CRNKL1: variants seen among roughly 807,000 people sequenced by gnomAD.
CRNKL1 encodes crooked neck-like protein 1.
CRNKL1 carries 35 observed loss-of-function variants against 103.7 expected under a neutral mutation model. The ratio of observed to expected loss-of-function variants is 0.34; its 90% CI spans 0.26 to 0.45. CRNKL1 has a LOEUF of 0.45. Ranked by LOEUF, CRNKL1 falls within the 20% of genes least tolerant of loss-of-function variation. CRNKL1 has a pLI of 1.00. For synonymous variants in CRNKL1, 267 were observed against 282.6 expected (o/e 0.94, Z 0.55); for missense variants, 645 against 836.0 (o/e 0.77, Z 2.82).
upstream of CRNKL1, among the ~76,000 whole-genome samples, chr20:20,054,769 T>C (rs905943659): frequency 5.8e-4 from 88 of 152,396 alleles, no homozygotes; most frequent in African/African-American, 2.1e-3. Context: ...TTATTTTTTA[T>C]AGACAGTCTG....
chr20:20,046,575 C>T (rs1341063040), intron 5 of CRNKL1, among the ~76,000 whole-genome samples: 1 of 152,224 alleles, frequency 6.6e-6, no homozygotes, highest in Non-Finnish European at 1.5e-5. Flanking sequence ...TACAATCTCA[C>T]ATTCATCATC....
In CRNKL1 at chr20:20,052,329, G is replaced by A. The variant is rs2043782643; in HGVS notation, c.14C>T (p.Thr5Ile). The A allele has an allele frequency of 6.2e-7, 1 of 1,612,800 alleles. No individual in the cohort carries two copies. Among genetic ancestry groups the A allele is most frequent in the Admixed American group, 1.7e-5 (1 of 59,992 alleles). Residue 5 changes from threonine (T) to isoleucine (I), a missense_variant, in exon 1 of 14, where the codon ACC becomes ATC. Coordinates refer to ENST00000536226, the MANE Select transcript of CRNKL1 (RefSeq NM_001278628.2). The part of the protein sequence containing the change: MAAS[T>I]AAGKQRIPKV... ...GGGAATCCGCTGCTTCCCGGCCGCG[G>A]TGGAGGCCGCCATGTCTGCAGCAGT...
Position 20,038,392 on chromosome 20 carries a change from C to G in CRNKL1, c.1604G>C (p.Arg535Pro). 1 of 1,552,648 alleles carries G rather than the reference C, an allele frequency of 6.4e-7. No individual in the cohort carries two copies. The highest frequency in any genetic ancestry group is 8.7e-7 in the Non-Finnish European group (1 of 1,147,248). The change falls in exon 12 of 14, where the codon CGA (arginine) becomes CCA (proline). Residue 535 changes from arginine (R) to proline (P), a missense_variant. Transcript: ENST00000536226. ...EIEQEETERT[R>P]NLYRRLLQRT... The stretch of plus-strand genomic sequence containing the variant: ...TTGAAGCAACCGCCGGTAAAGGTTT[C>G]GTGTTCTTTCTGTTTCTTCCTGCTC...
In CRNKL1 at chr20:20,047,843, C is replaced by T; in HGVS notation, c.544G>A (p.Glu182Lys). 1 of 1,614,258 alleles carries T rather than the reference C, an allele frequency of 6.2e-7. No homozygotes were observed. Among genetic ancestry groups the T allele is most frequent in the Non-Finnish European group, 8.5e-7 (1 of 1,180,042 alleles). ...TTGATGTAGGAGTGCCAGGCTTGCT[C>T]CTCAGGCTGCCACTCCATCCAGCGC... is the stretch of plus-strand genomic sequence containing the variant. ...FERWMEWQPEEQAWHSYINFE... is the reference protein window; with the variant it reads ...FERWMEWQPEKQAWHSYINFE... Residue 182 changes from glutamate (E) to lysine (K), a missense_variant, in exon 5 of 14, where the codon GAG becomes AAG. By Grantham distance (56) the Glu-to-Lys change is moderately conservative. Transcript: ENST00000536226.
chr20:20,035,134 A>G lies in CRNKL1; in HGVS notation c.*1061T>C, dbSNP rs918568623. The G allele has an allele frequency of 1.3e-5, 2 of 152,250 alleles. No individual in the cohort carries two copies. Among genetic ancestry groups the G allele is most frequent in the Non-Finnish European group, 2.9e-5 (2 of 68,048 alleles). 9.4% of individuals were successfully genotyped at this position (152,250 alleles called of 1,614,324 possible). A position where few individuals can be genotyped will look rare whatever the true frequency, so the allele number is the denominator to read the frequency against. On this transcript the variant is annotated 3_prime_UTR_variant, in exon 14 of 14. Transcript: ENST00000536226. Reference sequence around the variant, plus strand: ...CCTTAGGTGTTTCTACACATGCTCTAAACCAAGAGTAAGTTTAACATGTCA... The same window carrying G: ...CCTTAGGTGTTTCTACACATGCTCTGAACCAAGAGTAAGTTTAACATGTCA...
chr20:20,039,602 T>A lies in CRNKL1; in HGVS notation c.1545+7A>T. On this transcript the variant is annotated splice_region_variant and intron_variant, in intron 11 of 13. Coordinates refer to ENST00000536226, the MANE Select transcript of CRNKL1 (RefSeq NM_001278628.2). ...AAACAAAATTATATTTGACTTGAGA[T>A]GCTCACCTCTGGCATGTCTAAACGT... 6.2e-7 allele frequency: 1 copy of A among 1,613,168 alleles called. No individual in the cohort carries two copies. The highest frequency in any genetic ancestry group is 8.5e-7 in the Non-Finnish European group (1 of 1,179,368).
At chr20:20,047,274 A>G (rs1002571926) in intron 5 of CRNKL1, among the ~76,000 whole-genome samples, 4 of 152,248 alleles carry the variant, frequency 2.6e-5, no homozygotes, top group Non-Finnish European at 4.4e-5. Context: ...GTGCTTCTGT[A>G]TTGAACATGT....
intron 12 of CRNKL1, 94 bp downstream of exon 12, chr20:20,038,250 AAAAAC>A: frequency 1.4e-6 from 1 of 735,688 alleles, no homozygotes; most frequent in Non-Finnish European, 2.2e-6. Flanking sequence ...AAAAAAAAAA[AAAAAC>A]AAAAACCCAA....
chr20:20,045,521 G>T lies in CRNKL1; in HGVS notation c.623-35C>A, dbSNP rs748569288. ...AATTAAGGAAATCCCAGGCAAAACA[G>T]CATGGCTTAAAAAAATAGTAAGTAA... is the stretch of plus-strand genomic sequence containing the variant. On this transcript the variant is annotated intron_variant, in intron 5 of 13. Transcript: ENST00000536226. 15 of 1,548,556 alleles carry T rather than the reference G, an allele frequency of 9.7e-6. No homozygotes were observed. In the South Asian group the frequency reaches 1.6e-4, roughly 16 times the overall value.
chr20:20,039,937 G>A, intron 10 of CRNKL1, 89 bp from the exon 11 acceptor site: 1 of 1,371,446 alleles, frequency 7.3e-7, no homozygotes, highest in Non-Finnish European at 1.0e-6. Flanking sequence ...GTTCTCTGCT[G>A]AGGAAGAATC....
intron 2 of CRNKL1, 83 bp downstream of exon 2, chr20:20,050,387 A>G (rs2043669225): frequency 6.3e-6 from 8 of 1,275,236 alleles, no homozygotes; most frequent in Non-Finnish European, 8.7e-6. Context: ...CTTGCCCTAC[A>G]GAATCCAACC....
chr20:20,036,481 TC>T, intron 13 of CRNKL1, 119 bp from the exon 14 acceptor site: 1 of 916,698 alleles, frequency 1.1e-6, no homozygotes, highest in Admixed American at 2.4e-5. Context: ...AACATCAAAG[TC>T]TACTACAGAA....
At chr20:20,045,227 A>C in intron 6 of CRNKL1, 81 bp downstream of exon 6, 3 of 1,219,246 alleles carry the variant, frequency 2.5e-6, no homozygotes, top group Non-Finnish European at 3.4e-6. Flanking sequence ...TCAGTAAGAA[A>C]AAATGGAAAT....
At position 20,049,338 on chromosome 20, in the gene CRNKL1, A is replaced by G. The variant is rs2043647000; in HGVS notation, c.296+2T>C. On this transcript the variant is annotated splice_donor_variant, in intron 3 of 13. Coordinates refer to ENST00000536226, the MANE Select transcript of CRNKL1 (RefSeq NM_001278628.2). LOFTEE classifies it high-confidence loss of function. ...ACAAAACTACACTCTCAGTAATTTT[A>G]CCTTTGAATCTCCTTTAGGCTTTCT... 1 of 1,497,666 alleles carries G rather than the reference A, an allele frequency of 6.7e-7. No individual in the cohort carries two copies. The highest frequency in any genetic ancestry group is 9.2e-7 in the Non-Finnish European group (1 of 1,082,024). 92.8% of individuals were successfully genotyped at this position (1,497,666 alleles called of 1,614,324 possible).
At chr20:20,055,075 AT>A (rs1489281535), upstream of CRNKL1, among the ~76,000 whole-genome samples, 1 of 151,734 alleles carries the variant, frequency 6.6e-6, no homozygotes, top group East Asian at 1.9e-4. Context: ...TATTTTCTTT[AT>A]TCTTCTGTTT....
At position 20,049,450 on chromosome 20, in the gene CRNKL1, G is replaced by A; in HGVS notation, c.205-19C>T. ...CAAAAGTCTGGAAGAAGGCAAAAAG[G>A]GTCAAGTCAAAAGACAAATGACTAA... On this transcript the variant is annotated intron_variant, in intron 2 of 13. Coordinates refer to ENST00000536226, the MANE Select transcript of CRNKL1 (RefSeq NM_001278628.2). 1 of 1,366,874 alleles carries A rather than the reference G, an allele frequency of 7.3e-7. No individual in the cohort carries two copies. The highest frequency in any genetic ancestry group is 2.3e-5 in the East Asian group (1 of 43,660). 84.7% of individuals were successfully genotyped at this position (1,366,874 alleles called of 1,614,324 possible).
chr20:20,037,589 A>G lies in CRNKL1; in HGVS notation c.1648-18T>C, dbSNP rs1290341545. 6.2e-7 allele frequency: 1 copy of G among 1,606,744 alleles called. No homozygotes were observed. The highest frequency in any genetic ancestry group is 1.7e-5 in the Admixed American group (1 of 58,812). On this transcript the variant is annotated intron_variant, in intron 12 of 13. Coordinates refer to ENST00000536226, the MANE Select transcript of CRNKL1 (RefSeq NM_001278628.2). ...ATCCATACCTTTAAAAAAAGTTATT[A>G]TTGAACCAAATTAACCATATCACTC...
rs1444917517 is a variant in CRNKL1 at position 20,034,823 on chromosome 20, A to C, written c.*1372T>G. On this transcript the variant is annotated 3_prime_UTR_variant, in exon 14 of 14. Transcript: ENST00000536226. ...GTTATTTATTTTCAAGATAAAATTT[A>C]GTAACAACATTACGAAGTAGCTTTT... The C allele has an allele frequency of 6.6e-6, 1 of 152,270 alleles. No homozygotes were observed. Among genetic ancestry groups the C allele is most frequent in the Admixed American group, 6.5e-5 (1 of 15,288 alleles). 9.4% of individuals were successfully genotyped at this position (152,270 alleles called of 1,614,324 possible).
At chr20:20,043,752 TAA>T (rs2043551996) in intron 6 of CRNKL1, 90 bp from the exon 7 acceptor site, 1 of 1,280,242 alleles carries the variant, frequency 7.8e-7, no homozygotes, top group African/African-American at 1.5e-5. Context: ...ATATTACTTA[TAA>T]GTTAGATTTT....
Sources: allele counts gnomAD v4.1 joint callset (sites outside exome capture counted in the v4.1 genomes callset), GRCh38; gene constraint gnomAD v4.1.1; transcripts MANE v1.5; gene names NCBI Gene and HGNC (gene_info 2026-07-23, HGNC 2026-07-21).